The following TRAK1 variants were observed in gnomAD, a reference collection of about 807,000 sequenced individuals.
TRAK1 encodes trafficking kinesin protein 1.
A neutral mutation model predicts 92.1 loss-of-function variants in TRAK1; 33 were observed. The observed-to-expected ratio is 0.36, with a 90% CI of 0.27 to 0.48. The LOEUF (loss-of-function observed/expected upper bound fraction) is 0.48, where lower values mean the gene tolerates loss of function less well. Ranked by LOEUF, TRAK1 falls within the 20% of genes least tolerant of loss-of-function variation. TRAK1 has a pLI of 0.99. For missense variants in TRAK1, 1,123 were observed against 1,257.9 expected, an observed-to-expected ratio of 0.89 and a Z score of 1.62; for synonymous variants, 521 against 517.3, an observed-to-expected ratio of 1.01 and a Z score of -0.10.
chr3:42,164,493 C>T (rs759012117), intron 2 of TRAK1, among the ~76,000 whole-genome samples: 5 of 152,214 alleles, frequency 3.3e-5, no homozygotes, highest in Non-Finnish European at 7.3e-5. Context: ...TGTAGAGTCC[C>T]TCAGCTCGAA....
At chr3:42,074,743 G>A (rs1704077646) in intron 1 of TRAK1, among the ~76,000 whole-genome samples, 1 of 151,404 alleles carries the variant, frequency 6.6e-6, no homozygotes, top group African/African-American at 2.4e-5. Flanking sequence ...TATTACATGG[G>A]TAAATGGCCT....
At chr3:42,150,264 G>A (rs1699813029) in intron 2 of TRAK1, among the ~76,000 whole-genome samples, 1 of 152,126 alleles carries the variant, frequency 6.6e-6, no homozygotes, top group Admixed American at 6.5e-5. Flanking sequence ...AGGGAGACTG[G>A]GTGGAGGCCA....
At chr3:42,109,597 AG>A (rs1708060282) in intron 1 of TRAK1, among the ~76,000 whole-genome samples, 1 of 152,210 alleles carries the variant, frequency 6.6e-6, no homozygotes, top group Non-Finnish European at 1.5e-5. Context: ...AACTTTACAC[AG>A]GCATTCTTTA....
intron 15 of TRAK1, among the ~76,000 whole-genome samples, 193 bp downstream of exon 15, chr3:42,219,789 T>G (rs1048299323): frequency 4.1e-5 from 4 of 97,494 alleles, no homozygotes; most frequent in South Asian, 3.0e-4. Context: ...GTTATGTGTT[T>G]TTTTTTTTTT....
intron 1 of TRAK1, among the ~76,000 whole-genome samples, chr3:42,077,224 C>T (rs1452816376): frequency 1.3e-5 from 2 of 152,062 alleles, no homozygotes; most frequent in Non-Finnish European, 2.9e-5. Flanking sequence ...CTGTAAATTG[C>T]TTTGGGCAGT....
chr3:42,070,293 T>G (rs1425817405), intron 1 of TRAK1, among the ~76,000 whole-genome samples: 1 of 148,456 alleles, frequency 6.7e-6, no homozygotes, highest in Non-Finnish European at 1.5e-5. Context: ...ATAATTATAT[T>G]AATTATAAAT....
intron 14 of TRAK1, chr3:42,218,785 A>G: frequency 1.0e-6 from 1 of 985,422 alleles, no homozygotes; most frequent in Non-Finnish European, 1.2e-6. Flanking sequence ...AGATGTCAAG[A>G]AAGCAGCTAG....
At chr3:42,085,504 C>G (rs1265025510), upstream of TRAK1, among the ~76,000 whole-genome samples, 1 of 152,178 alleles carries the variant, frequency 6.6e-6, no homozygotes, top group Non-Finnish European at 1.5e-5. Flanking sequence ...TGTTCCCAAG[C>G]ATTTCAGCTA....
intron 14 of TRAK1, among the ~76,000 whole-genome samples, chr3:42,215,143 A>G (rs1194887062): frequency 2.0e-5 from 3 of 152,212 alleles, no homozygotes; most frequent in Non-Finnish European, 2.9e-5. Context: ...CCCTGAAAAT[A>G]TCATGGGCAG....
chr3:42,143,498 T>C (rs1698944201), intron 2 of TRAK1, among the ~76,000 whole-genome samples: 1 of 152,302 alleles, frequency 6.6e-6, no homozygotes, highest in Admixed American at 6.5e-5. Flanking sequence ...GTCTCCACAA[T>C]GAGGGAGCCA....
chr3:42,210,132 A>G, intron 14 of TRAK1, 147 bp downstream of exon 14: 1 of 1,605,916 alleles, frequency 6.2e-7, no homozygotes, highest in Middle Eastern at 1.7e-4. Flanking sequence ...TGGTGAGGGC[A>G]CCACGATAAG....
At chr3:42,140,322 G>T (rs987636834) in intron 2 of TRAK1, among the ~76,000 whole-genome samples, 2 of 152,062 alleles carry the variant, frequency 1.3e-5, no homozygotes, top group Non-Finnish European at 2.9e-5. Context: ...GACTGGCAGC[G>T]GCAACATTTT....
Position 42,200,975 on chromosome 3 carries a change from T to C in TRAK1, c.1348T>C (p.Tyr450His), listed in dbSNP as rs764672638. The change falls in exon 12 of 16, where the codon TAC becomes CAC. Residue 450 changes from tyrosine to histidine, a missense_variant. Tyr to His is a moderately conservative substitution (Grantham distance 83). Transcript: ENST00000327628. ...SCVSTPRSSFYGSDIGNVVLD... is the reference protein window; with the variant it reads ...SCVSTPRSSFHGSDIGNVVLD... ...CGTCAGCACCCCCCGGTCCAGCTTC[T>C]ACGGCAGCGACATAGGCAACGTCGT... The C allele has an allele frequency of 1.9e-6, 3 of 1,614,198 alleles. No homozygotes were observed. In the Admixed American group the frequency reaches 5.0e-5, roughly 27 times the overall value.
At chr3:42,135,877 A>G (rs1025014983) in intron 2 of TRAK1, among the ~76,000 whole-genome samples, 4 of 152,088 alleles carry the variant, frequency 2.6e-5, no homozygotes, top group African/African-American at 7.2e-5. Flanking sequence ...CTGCCTGAAT[A>G]TGTTGCCAGA....
In TRAK1 at chr3:42,039,589, C is replaced by G. The variant is rs565457173; in HGVS notation, c.-519+25472C>G. On this transcript the variant is annotated intron_variant, in intron 1 of 16. Transcript: ENST00000487159. ...ATATTGGCCAGGCTGGTCTCAAACT[C>G]CTGACCTCAAGTGATCCTCCCACTT... Among the ~76,000 whole-genome samples the G allele has an allele frequency of 5.9e-5, 9 of 152,330 alleles. 1 individual carries two copies. The East Asian group carries it at 1.2e-3, about 20-fold the overall frequency.
intron 2 of TRAK1, among the ~76,000 whole-genome samples, chr3:42,154,504 GTCT>G (rs922065980): frequency 6.7e-6 from 1 of 150,152 alleles, no homozygotes; most frequent in South Asian, 2.1e-4. Context: ...TAGAGGCAAG[GTCT>G]TCTTCTTGTC....
intron 3 of TRAK1, among the ~76,000 whole-genome samples, chr3:42,181,992 T>TG (rs1704066555): frequency 6.7e-6 from 1 of 149,862 alleles, no homozygotes; most frequent in Admixed American, 6.7e-5. Flanking sequence ...TGTTTTGAGA[T>TG]GGGGTCTCCT....
At chr3:42,176,986 A>G in intron 3 of TRAK1, 96 bp downstream of exon 3, 1 of 1,153,144 alleles carries the variant, frequency 8.7e-7, no homozygotes, top group Non-Finnish European at 1.3e-6. Flanking sequence ...TTCAGTGAGG[A>G]ATCTTGGAAA....
chr3:42,222,482 C>G (rs1413245806), intron 15 of TRAK1, among the ~76,000 whole-genome samples: 2 of 152,160 alleles, frequency 1.3e-5, no homozygotes, highest in Non-Finnish European at 2.9e-5. Context: ...AGTCCTGGTT[C>G]ACGTCTTGCT....
Sources: allele counts gnomAD v4.1 joint callset (sites outside exome capture counted in the v4.1 genomes callset), GRCh38; gene constraint gnomAD v4.1.1; transcripts MANE v1.5; gene names NCBI Gene and HGNC (gene_info 2026-07-23, HGNC 2026-07-21).